Variants in FNDC1 observed in about 807,000 individuals in gnomAD.
The protein encoded by FNDC1 is fibronectin type III domain containing 1, also known as fibronectin type III domain-containing protein 1.
FNDC1 carries 96 observed loss-of-function variants against 168.0 expected under a neutral mutation model. The ratio of observed to expected loss-of-function variants is 0.57; its 90% confidence interval spans 0.48 to 0.68. FNDC1 has a LOEUF of 0.68. Among genes scored for constraint, FNDC1 ranks in the 30% least tolerant of loss-of-function variants. FNDC1 has a pLI of 0.00. For missense variants in FNDC1, 2,587 were observed against 2,482.1 expected, an observed-to-expected ratio of 1.04 and a Z score of -0.90; for synonymous variants, 1,099 against 1,025.9, an observed-to-expected ratio of 1.07 and a Z score of -1.36.
intron 21 of FNDC1, 57 bp from the exon 22 acceptor site, chr6:159,267,747 T>C: frequency 6.2e-7 from 1 of 1,603,290 alleles, no homozygotes; most frequent in Non-Finnish European, 8.5e-7. Flanking sequence ...AAAAAACTCC[T>C]AAACCAGTTG....
intron 4 of FNDC1, among the ~76,000 whole-genome samples, chr6:159,206,281 C>A (rs939190682): frequency 6.6e-6 from 1 of 152,232 alleles, no homozygotes; most frequent in Non-Finnish European, 1.5e-5. Context: ...TCAATCAAAG[C>A]CTTTGGCCAA....
chr6:159,205,290 G>T (rs1782463576), intron 4 of FNDC1, among the ~76,000 whole-genome samples: 1 of 152,144 alleles, frequency 6.6e-6, no homozygotes, highest in Non-Finnish European at 1.5e-5. Flanking sequence ...AGATTGATGG[G>T]ACATGTATAC....
intron 11 of FNDC1, among the ~76,000 whole-genome samples, chr6:159,235,107 T>G (rs952190270): frequency 6.6e-6 from 1 of 152,240 alleles, no homozygotes; most frequent in African/African-American, 2.4e-5. Context: ...AGAAAATGTA[T>G]GTTAAAGATC....
chr6:159,269,896 G>A (rs1280240242), intron 22 of FNDC1, among the ~76,000 whole-genome samples: 6 of 152,166 alleles, frequency 3.9e-5, no homozygotes, highest in Admixed American at 3.9e-4. Context: ...TGGTGATTTA[G>A]ATGTTAATCT....
chr6:159,171,366 T>G (rs994722366), intron 1 of FNDC1, among the ~76,000 whole-genome samples: 2 of 152,228 alleles, frequency 1.3e-5, no homozygotes, highest in African/African-American at 4.8e-5. Flanking sequence ...AACCTGTAGA[T>G]AGCTCCCCAT....
intron 6 of FNDC1, among the ~76,000 whole-genome samples, chr6:159,222,304 C>T (rs1782844807): frequency 6.6e-6 from 1 of 152,132 alleles, no homozygotes; most frequent in Non-Finnish European, 1.5e-5. Flanking sequence ...TTCATGAGTT[C>T]ACAACATAAA....
At chr6:159,184,858 G>C (rs570544139) in intron 1 of FNDC1, among the ~76,000 whole-genome samples, 1 of 152,058 alleles carries the variant, frequency 6.6e-6, no homozygotes, top group Non-Finnish European at 1.5e-5. Flanking sequence ...AAGAATGTGC[G>C]AAAAAATTCC....
chr6:159,204,623 G>A (rs1266728141), intron 4 of FNDC1, among the ~76,000 whole-genome samples: 1 of 152,152 alleles, frequency 6.6e-6, no homozygotes, highest in Non-Finnish European at 1.5e-5. Flanking sequence ...CGGCCTCACT[G>A]CTGCAGTGCT....
chr6:159,201,762 A>G (rs1488798005), intron 4 of FNDC1, among the ~76,000 whole-genome samples: 1 of 152,196 alleles, frequency 6.6e-6, no homozygotes, highest in East Asian at 1.9e-4. Context: ...ACACATGTAA[A>G]CAGACACGTG....
intron 7 of FNDC1, among the ~76,000 whole-genome samples, chr6:159,224,678 A>G (rs964094652): frequency 7.9e-5 from 12 of 152,164 alleles, no homozygotes; most frequent in African/African-American, 2.9e-4. Flanking sequence ...CTGAAACCAG[A>G]GAAGGCTTGA....
chr6:159,200,274 A>G (rs1186987074), intron 3 of FNDC1, among the ~76,000 whole-genome samples, 192 bp downstream of exon 3: 2 of 152,236 alleles, frequency 1.3e-5, no homozygotes, highest in African/African-American at 2.4e-5. Flanking sequence ...AAATAGTTTT[A>G]ATGTAGGTTA....
chr6:159,216,990 G>T (rs1437876018), intron 5 of FNDC1, among the ~76,000 whole-genome samples: 2 of 152,242 alleles, frequency 1.3e-5, no homozygotes, highest in African/African-American at 2.4e-5. Context: ...TGTAGGCAGG[G>T]TCTCAGCTTC....
intron 14 of FNDC1, among the ~76,000 whole-genome samples, chr6:159,243,755 T>A (rs1227611645): frequency 6.6e-6 from 1 of 152,202 alleles, no homozygotes; most frequent in African/African-American, 2.4e-5. Context: ...TAAATATATT[T>A]CATTACATCT....
intron 1 of FNDC1, among the ~76,000 whole-genome samples, chr6:159,185,862 A>G (rs374605810): frequency 2.2e-4 from 33 of 152,372 alleles, no homozygotes; most frequent in East Asian, 1.7e-3. Context: ...GTAGAAGGCA[A>G]GGGAGAAAGA....
chr6:159,245,291 T>A (rs1044617066), intron 14 of FNDC1, among the ~76,000 whole-genome samples: 14 of 152,156 alleles, frequency 9.2e-5, no homozygotes. Context: ...ATAAGCTCAA[T>A]GTATCTCAAG....
chr6:159,210,334 G>A (rs547061623), intron 4 of FNDC1, among the ~76,000 whole-genome samples: 7 of 152,284 alleles, frequency 4.6e-5, no homozygotes, highest in African/African-American at 1.7e-4. Context: ...TTCTGGCTTC[G>A]GCTTCCTGCT....
chr6:159,230,232 A>G (rs1259161937), intron 10 of FNDC1, among the ~76,000 whole-genome samples: 1 of 152,244 alleles, frequency 6.6e-6, no homozygotes. Flanking sequence ...AGTATTATTA[A>G]TGTATTAATT....
Position 159,233,117 on chromosome 6 carries a change from C to T in FNDC1, c.2605C>T (p.Pro869Ser), listed in dbSNP as rs1453882422. The change falls in exon 11 of 23, where the codon CCT (proline) becomes TCT (serine). Residue 869 changes from proline (P) to serine (S), a missense_variant. By Grantham distance (74) the Pro-to-Ser change is moderately conservative. Transcript: ENST00000297267. The surrounding 1 kb of genome is among the most constrained non-coding windows in gnomAD (Gnocchi z 4.6). ...GGTTCCCTCTCACTCTGATTCCCACCCTAAGCTTAGCTCAGGTATCCATGG... is the reference window on the plus strand; with the variant it reads ...GGTTCCCTCTCACTCTGATTCCCACTCTAAGCTTAGCTCAGGTATCCATGG... ...PRVPSHSDSH[P>S]KLSSGIHGDE... is the part of the protein sequence containing the mutation. 1 of 1,603,558 alleles carries T rather than the reference C, an allele frequency of 6.2e-7. No homozygotes were observed. The highest frequency in any genetic ancestry group is 1.7e-5 in the Admixed American group (1 of 58,518).
chr6:159,210,373 T>C (rs539156972), intron 4 of FNDC1, among the ~76,000 whole-genome samples: 3 of 152,294 alleles, frequency 2.0e-5, no homozygotes, highest in African/African-American at 7.2e-5. Flanking sequence ...CCCTTAGCCT[T>C]TCTGAGCCTC....
Sources: gnomAD v4.1 joint callset for allele counts (sites outside exome capture counted in the v4.1 genomes callset) on GRCh38, gnomAD v4.1.1 for gene constraint, Gnocchi (gnomAD v3.1) non-coding constraint, MANE v1.5 for transcripts, NCBI Gene and HGNC (gene_info 2026-07-23, HGNC 2026-07-21) for gene names.